ALDH1A1: variants seen among roughly 807,000 people sequenced by gnomAD.
ALDH1A1 encodes aldehyde dehydrogenase 1A1.
Under a neutral mutation model 62.1 loss-of-function variants are expected in ALDH1A1, and 19 were observed. The ratio of observed to expected loss-of-function variants is 0.31; its 90% CI spans 0.21 to 0.45. The LOEUF is 0.45. ALDH1A1 is among the 20% of genes least tolerant of loss of function. The pLI is 1.00. For synonymous variants in ALDH1A1, 231 were observed against 215.9 expected (o/e 1.07, Z -0.61); for missense variants, 521 against 607.1 (o/e 0.86, Z 1.49).
intron 7 of ALDH1A1, among the ~76,000 whole-genome samples, chr9:72,921,388 T>C (rs1830140604): frequency 6.6e-6 from 1 of 151,902 alleles, no homozygotes; most frequent in Admixed American, 6.6e-5. Flanking sequence ...AAGCAACAAA[T>C]GTGAAGCTAA....
intron 2 of ALDH1A1, among the ~76,000 whole-genome samples, chr9:72,931,687 C>A (rs1023331007): frequency 2.4e-4 from 36 of 152,142 alleles, no homozygotes; most frequent in African/African-American, 8.7e-4. Context: ...GAAACATGTG[C>A]TCATTCCTCT....
intron 9 of ALDH1A1, among the ~76,000 whole-genome samples, chr9:72,915,822 T>C (rs1023997071): frequency 2.0e-5 from 3 of 152,200 alleles, no homozygotes; most frequent in African/African-American, 7.2e-5. Flanking sequence ...CAGGTACCCA[T>C]CTCAAGTTTT....
At chr9:72,906,386 C>T (rs1014295099) in intron 11 of ALDH1A1, among the ~76,000 whole-genome samples, 1 of 152,150 alleles carries the variant, frequency 6.6e-6, no homozygotes, top group African/African-American at 2.4e-5. Flanking sequence ...GTATTCATTA[C>T]TGCTTATATA....
At chr9:72,919,632 G>A (rs1054981423) in intron 7 of ALDH1A1, among the ~76,000 whole-genome samples, 1 of 152,144 alleles carries the variant, frequency 6.6e-6, no homozygotes, top group African/African-American at 2.4e-5. Flanking sequence ...TAACAATAAC[G>A]TATCACTGCA....
intron 11 of ALDH1A1, among the ~76,000 whole-genome samples, chr9:72,907,772 C>G (rs1240181572): frequency 6.6e-6 from 1 of 152,142 alleles, no homozygotes; most frequent in Non-Finnish European, 1.5e-5. Flanking sequence ...TGTTGTAGTA[C>G]TTGGTATAAA....
chr9:72,933,085 T>C (rs1830304863), intron 2 of ALDH1A1, among the ~76,000 whole-genome samples: 1 of 152,232 alleles, frequency 6.6e-6, no homozygotes, highest in Non-Finnish European at 1.5e-5. Flanking sequence ...TCACATCTTA[T>C]ATGTAATCTT....
chr9:72,908,581 AAGAAAGAAAG>A (rs1829927226), intron 11 of ALDH1A1, among the ~76,000 whole-genome samples: 1 of 133,602 alleles, frequency 7.5e-6, no homozygotes, highest in African/African-American at 2.9e-5. Context: ...GAAAGAAAGA[AAGAAAGAAAG>A]AAAGAAAGAA....
intron 10 of ALDH1A1, among the ~76,000 whole-genome samples, chr9:72,910,553 C>T (rs1454592152): frequency 6.6e-6 from 1 of 152,130 alleles, no homozygotes. Flanking sequence ...CTGGTTACTG[C>T]AGCCCAAACT....
chr9:72,921,503 C>CTTTTTTTTTTTTTTTTTTTTTTTTTTT (rs11327072), intron 7 of ALDH1A1, among the ~76,000 whole-genome samples: 1 of 109,504 alleles, frequency 9.1e-6, no homozygotes, highest in Admixed American at 1.0e-4. Flanking sequence ...ACATTTAATT[C>CTTTTTTTTTTTTTTTTTTTTTTTTTTT]TTTTTTTTTT....
chr9:72,934,353 T>C (rs1233323935), intron 2 of ALDH1A1, among the ~76,000 whole-genome samples: 1 of 152,180 alleles, frequency 6.6e-6, no homozygotes, highest in Non-Finnish European at 1.5e-5. Context: ...CTCCTCAAAC[T>C]ATCTTGGCTA....
intron 2 of ALDH1A1, among the ~76,000 whole-genome samples, chr9:72,933,610 A>AAAAAAAAAAT (rs1564637328): frequency 8.4e-6 from 1 of 119,020 alleles, no homozygotes; most frequent in Non-Finnish European, 1.8e-5. Context: ...AAAAAAAAAA[A>AAAAAAAAAAT]AAAGAAAAAG....
chr9:72,924,159 C>T, intron 6 of ALDH1A1, 27 bp from the exon 7 acceptor site: 1 of 1,535,094 alleles, frequency 6.5e-7, no homozygotes, highest in Non-Finnish European at 8.9e-7. Context: ...TTAAAAGTTA[C>T]AGTATAAGAA....
chr9:72,921,503 C>CTTTTTTTTTTTTTTTT (rs11327072), intron 7 of ALDH1A1, among the ~76,000 whole-genome samples: 2 of 109,504 alleles, frequency 1.8e-5, no homozygotes, highest in African/African-American at 7.0e-5. Flanking sequence ...ACATTTAATT[C>CTTTTTTTTTTTTTTTT]TTTTTTTTTT....
Position 72,927,173 on chromosome 9 carries a change from T to G in ALDH1A1, c.447A>C (p.Gly149=). 6.2e-7 allele frequency: 1 copy of G among 1,601,446 alleles called. No individual in the cohort carries two copies. Among genetic ancestry groups the G allele is most frequent in the Non-Finnish European group, 8.5e-7 (1 of 1,173,792 alleles). ...KIQGRTIPID[G]NFFTYTRHEP... ...CATGTCTTGTATATGTAAAAAAATT[T>G]CCATCTGAAAAATAAAACACACACA... The change falls in exon 5 of 13, where the codon GGA becomes GGC. Residue 149 remains glycine, a synonymous_variant. Transcript: ENST00000297785.
chr9:72,916,722 T>C (rs990838706), intron 9 of ALDH1A1, among the ~76,000 whole-genome samples, 198 bp downstream of exon 9: 1 of 152,168 alleles, frequency 6.6e-6, no homozygotes, highest in African/African-American at 2.4e-5. Flanking sequence ...TTTCTAGACA[T>C]GAAAACTGGG....
At chr9:72,930,540 T>C (rs4646543) in intron 3 of ALDH1A1, among the ~76,000 whole-genome samples, 64,931 of 152,000 alleles carry the variant, frequency 0.43, 15,059 homozygotes, top group Non-Finnish European at 0.5. Context: ...ATAAACCTAA[T>C]ATATCATTCT....
chr9:72,952,607 G>T (rs1291049719), intron 1 of ALDH1A1, among the ~76,000 whole-genome samples: 3 of 151,840 alleles, frequency 2.0e-5, no homozygotes, highest in Admixed American at 6.6e-5. Flanking sequence ...TGAGTATTTT[G>T]CTCTCTTATC....
intron 10 of ALDH1A1, among the ~76,000 whole-genome samples, chr9:72,911,368 A>T (rs902169873): frequency 6.6e-6 from 1 of 152,184 alleles, no homozygotes; most frequent in African/African-American, 2.4e-5. Context: ...TTGTGGTGAG[A>T]ACACTTAAAA....
chr9:72,932,934 G>C (rs533618595), intron 2 of ALDH1A1, among the ~76,000 whole-genome samples: 3 of 152,152 alleles, frequency 2.0e-5, no homozygotes, highest in Non-Finnish European at 4.4e-5. Context: ...CTATCATAGG[G>C]ATCTTGGCCT....
Sources: allele counts gnomAD v4.1 joint callset (sites outside exome capture counted in the v4.1 genomes callset), GRCh38; gene constraint gnomAD v4.1.1; transcripts MANE v1.5; gene names NCBI Gene and HGNC (gene_info 2026-07-23, HGNC 2026-07-21).